Variants in CSMD1 observed in about 807,000 individuals in gnomAD.
CSMD1 encodes CUB and sushi domain-containing protein 1.
A neutral mutation model predicts 417.5 loss-of-function variants in CSMD1; 213 were observed. That is an observed-to-expected ratio of 0.51 (90% CI 0.46 to 0.57). The LOEUF (loss-of-function observed/expected upper bound fraction) is 0.57, where lower values mean the gene tolerates loss of function less well. CSMD1 is among the 20% of genes least tolerant of loss of function. The pLI is 0.00. For synonymous variants in CSMD1, 2,862 were observed against 1,736.8 expected (o/e 1.65, Z -16.11); for missense variants, 6,923 against 4,529.7 (o/e 1.53, Z -15.17).
intron 8 of CSMD1, among the ~76,000 whole-genome samples, chr8:3,601,553 T>C (rs1003495813): frequency 2.6e-5 from 4 of 152,094 alleles, no homozygotes; most frequent in Non-Finnish European, 5.9e-5. Flanking sequence ...TTATAAAAGG[T>C]CTAACATTGA....
At chr8:3,955,546 G>T (rs193204763) in intron 5 of CSMD1, among the ~76,000 whole-genome samples, 1 of 152,106 alleles carries the variant, frequency 6.6e-6, no homozygotes, top group Admixed American at 6.5e-5. Context: ...AGGATTTGGC[G>T]TCTGAAAAAA....
intron 1 of CSMD1, among the ~76,000 whole-genome samples, chr8:4,901,562 G>T (rs543326077): frequency 2.0e-5 from 3 of 151,900 alleles, no homozygotes; most frequent in African/African-American, 4.8e-5. Flanking sequence ...AAAAGTGAAA[G>T]AAAATGTCAG....
intron 1 of CSMD1, among the ~76,000 whole-genome samples, chr8:4,926,338 A>G (rs118182817): frequency 0.01 from 1,544 of 152,262 alleles, 23 homozygotes; most frequent in African/African-American, 0.028. Flanking sequence ...TTGTGTAATA[A>G]CCTTTGCTCT....
intron 3 of CSMD1, among the ~76,000 whole-genome samples, chr8:4,215,956 T>C (rs1800643246): frequency 6.6e-6 from 1 of 152,198 alleles, no homozygotes; most frequent in African/African-American, 2.4e-5. Flanking sequence ...GTTTCTTTTG[T>C]TGGCATTTTT....
At chr8:4,410,203 C>T (rs1363913181) in intron 3 of CSMD1, among the ~76,000 whole-genome samples, 1 of 152,130 alleles carries the variant, frequency 6.6e-6, no homozygotes, top group Non-Finnish European at 1.5e-5. Flanking sequence ...AGATACTGAA[C>T]CAAACAGTTT....
At chr8:4,723,362 C>A (rs978395390) in intron 1 of CSMD1, among the ~76,000 whole-genome samples, 1 of 152,054 alleles carries the variant, frequency 6.6e-6, no homozygotes, top group African/African-American at 2.4e-5. Flanking sequence ...GACCGAGGTT[C>A]GCTCAACTCA....
intron 41 of CSMD1, among the ~76,000 whole-genome samples, chr8:3,123,188 C>T (rs2129021476): frequency 1.3e-5 from 2 of 152,334 alleles, no homozygotes; most frequent in Admixed American, 6.5e-5. Flanking sequence ...CTCTCTCTTT[C>T]TCTGACACAC....
chr8:4,788,186 C>G, intron 1 of CSMD1: 1 of 1,593,878 alleles, frequency 6.3e-7, no homozygotes, highest in Non-Finnish European at 8.6e-7. Context: ...GAAATTTTGG[C>G]ATTCCATGTG....
At chr8:4,747,834 T>C (rs1811055443) in intron 1 of CSMD1, among the ~76,000 whole-genome samples, 1 of 152,192 alleles carries the variant, frequency 6.6e-6, no homozygotes, top group Non-Finnish European at 1.5e-5. Flanking sequence ...AATGTCTCTA[T>C]TCATCAACTG....
chr8:4,049,753 A>T (rs1798327321), intron 3 of CSMD1, among the ~76,000 whole-genome samples: 2 of 152,174 alleles, frequency 1.3e-5, no homozygotes, highest in Admixed American at 1.3e-4. Flanking sequence ...AATAGTAGAG[A>T]ATCTCCATAA....
chr8:3,619,557 C>T lies in CSMD1; in HGVS notation c.1010-2760G>A, dbSNP rs181081840. Among the ~76,000 whole-genome samples, 280 of 152,142 alleles carry T rather than the reference C, an allele frequency of 1.8e-3. 2 individuals carry two copies. The highest frequency in any genetic ancestry group is 6.5e-3 in the African/African-American group (269 of 41,518). ...ATTTAAATAAAGGAATATAAACTTT[C>T]CAAATTTGAGGAAAGACATAGATGT... On this transcript the variant is annotated intron_variant, in intron 7 of 69. Coordinates refer to ENST00000635120, the MANE Select transcript of CSMD1 (RefSeq NM_033225.6).
chr8:3,044,460 C>G (rs1811305356), intron 50 of CSMD1, among the ~76,000 whole-genome samples: 1 of 152,142 alleles, frequency 6.6e-6, no homozygotes, highest in Non-Finnish European at 1.5e-5. Flanking sequence ...GGAAGGCTAG[C>G]TTAATGGTTT....
chr8:3,215,005 G>A (rs1163505732), intron 29 of CSMD1, among the ~76,000 whole-genome samples: 1 of 151,786 alleles, frequency 6.6e-6, no homozygotes, highest in African/African-American at 2.4e-5. Flanking sequence ...ATCCATTTTT[G>A]GCTACAGATT....
intron 5 of CSMD1, among the ~76,000 whole-genome samples, chr8:3,991,569 C>T (rs1465842057): frequency 1.3e-5 from 2 of 152,072 alleles, no homozygotes; most frequent in South Asian, 2.1e-4. Flanking sequence ...TGGAAAGAAA[C>T]ACGTAAGAGT....
intron 3 of CSMD1, among the ~76,000 whole-genome samples, chr8:4,041,021 T>G (rs200187224): frequency 4.4e-5 from 6 of 136,536 alleles, no homozygotes; most frequent in East Asian, 2.2e-4. Flanking sequence ...TTTTTCCTTT[T>G]TTTTTTTTTT....
At chr8:4,370,578 T>C (rs1307877938) in intron 3 of CSMD1, among the ~76,000 whole-genome samples, 1 of 152,166 alleles carries the variant, frequency 6.6e-6, no homozygotes, top group Non-Finnish European at 1.5e-5. Flanking sequence ...TAACAATGAG[T>C]TGTGTTTGGT....
At chr8:3,599,260 T>C (rs994157337) in intron 8 of CSMD1, among the ~76,000 whole-genome samples, 1 of 152,024 alleles carries the variant, frequency 6.6e-6, no homozygotes, top group Non-Finnish European at 1.5e-5. Flanking sequence ...AGCAAATGAA[T>C]GTATCCACCT....
At chr8:3,745,743 C>G (rs556216416) in intron 6 of CSMD1, among the ~76,000 whole-genome samples, 1 of 152,192 alleles carries the variant, frequency 6.6e-6, no homozygotes, top group Non-Finnish European at 1.5e-5. Context: ...TAAGCAACAG[C>G]TTCGCCATTC....
rs563222535 is a variant in CSMD1 at position 3,761,860 on chromosome 8, G to C, written c.819-7818C>G. 2.6e-5 allele frequency among the ~76,000 whole-genome samples: 4 copies of C among 152,092 alleles called. No individual in the cohort carries two copies. In the East Asian group the frequency reaches 7.8e-4, roughly 29 times the overall value. ...TCCACCCGGAGCGGCACTCATGATTGTCTCTGGCAAAGGCCTTCTCTCTCC... is the reference window on the plus strand; with the variant it reads ...TCCACCCGGAGCGGCACTCATGATTCTCTCTGGCAAAGGCCTTCTCTCTCC... On this transcript the variant is annotated intron_variant, in intron 5 of 69. Transcript: ENST00000635120.
Sources: allele counts gnomAD v4.1 joint callset (sites outside exome capture counted in the v4.1 genomes callset), GRCh38; gene constraint gnomAD v4.1.1; transcripts MANE v1.5; gene names NCBI Gene and HGNC (gene_info 2026-07-23, HGNC 2026-07-21).